The following CMKLR1 variants were observed in gnomAD, a reference collection of about 807,000 sequenced individuals.
CMKLR1 encodes chemerin-like receptor 1.
Under a neutral mutation model 8.2 loss-of-function variants are expected in CMKLR1, and 6 were observed. The ratio of observed to expected loss-of-function variants is 0.73; its 90% CI spans 0.40 to 1.44. The LOEUF is 1.44. Among genes scored for constraint, CMKLR1 ranks in the 40% most tolerant of loss-of-function variants. The pLI, the probability that CMKLR1 is intolerant of heterozygous loss-of-function variation, is 0.02. For synonymous variants in CMKLR1, 178 were observed against 181.2 expected (o/e 0.98, Z 0.14); for missense variants, 429 against 478.0 (o/e 0.90, Z 0.96).
intron 2 of CMKLR1, among the ~76,000 whole-genome samples, chr12:108,307,343 G>A (rs1019411200): frequency 6.6e-5 from 10 of 151,672 alleles, no homozygotes; most frequent in East Asian, 1.9e-4. Flanking sequence ...GGGAGGCAGC[G>A]GAGGCCCCAC....
intron 2 of CMKLR1, among the ~76,000 whole-genome samples, chr12:108,319,389 G>A (rs1395139762): frequency 3.9e-5 from 6 of 152,170 alleles, no homozygotes; most frequent in African/African-American, 1.4e-4. Flanking sequence ...AAATGGAGGA[G>A]CTAGGACTTC....
Position 108,288,486 on chromosome 12 carries a change from G to A in CMKLR1, c.*3355C>T, listed in dbSNP as rs915364440. On this transcript the variant is annotated 3_prime_UTR_variant, in exon 4 of 4. Transcript: ENST00000550402. ...CCCAACCCCACCAGAGCTGACTCTG[G>A]GGTCGAATTTGAGCCAATCCCCTCC... The A allele has an allele frequency of 1.3e-5, 2 of 152,138 alleles. No homozygotes were observed. Among genetic ancestry groups the A allele is most frequent in the African/African-American group, 4.8e-5 (2 of 41,414 alleles). 9.4% of individuals were successfully genotyped at this position (152,138 alleles called of 1,614,324 possible).
At chr12:108,310,512 A>G (rs28670946) in intron 2 of CMKLR1, among the ~76,000 whole-genome samples, 30,253 of 152,072 alleles carry the variant, frequency 0.2, 3,154 homozygotes, top group South Asian at 0.21. Context: ...GTCCCATCAG[A>G]GAGCCAGGAA....
At chr12:108,301,878 C>T (rs778319644) in intron 2 of CMKLR1, among the ~76,000 whole-genome samples, 22 of 152,086 alleles carry the variant, frequency 1.4e-4, no homozygotes, top group Non-Finnish European at 2.1e-4. Context: ...ATGTGGGAGC[C>T]CAGATCCCAC....
At chr12:108,324,486 C>T (rs1156526907) in intron 2 of CMKLR1, among the ~76,000 whole-genome samples, 1 of 152,082 alleles carries the variant, frequency 6.6e-6, no homozygotes, top group African/African-American at 2.4e-5. Flanking sequence ...AGTTCTCTAC[C>T]CCAAGTTTCT....
At chr12:108,305,213 T>G (rs1196511510) in intron 2 of CMKLR1, among the ~76,000 whole-genome samples, 1 of 152,238 alleles carries the variant, frequency 6.6e-6, no homozygotes, top group African/African-American at 2.4e-5. Context: ...GAACTGTGCC[T>G]GGGACTTCCA....
intron 1 of CMKLR1, among the ~76,000 whole-genome samples, chr12:108,335,827 T>C (rs1892207233): frequency 6.6e-6 from 1 of 152,210 alleles, no homozygotes; most frequent in Non-Finnish European, 1.5e-5. Context: ...ACACCACCTT[T>C]ATCTGTTTTC....
At chr12:108,317,267 G>A (rs1566026021) in intron 2 of CMKLR1, among the ~76,000 whole-genome samples, 1 of 152,212 alleles carries the variant, frequency 6.6e-6, no homozygotes, top group Non-Finnish European at 1.5e-5. Flanking sequence ...GTCATTATGT[G>A]CTCTAGAGGT....
intron 1 of CMKLR1, among the ~76,000 whole-genome samples, chr12:108,337,504 G>C (rs1892254991): frequency 6.6e-6 from 1 of 152,278 alleles, no homozygotes; most frequent in Non-Finnish European, 1.5e-5. Flanking sequence ...GGGCCTCCCG[G>C]CTAGAAGGAG....
intron 1 of CMKLR1, among the ~76,000 whole-genome samples, chr12:108,333,981 C>T (rs1330646957): frequency 6.6e-6 from 1 of 152,262 alleles, no homozygotes; most frequent in Non-Finnish European, 1.5e-5. Flanking sequence ...CTCCTCACTG[C>T]ATCTCAGTCC....
chr12:108,327,683 C>T (rs1436171701), intron 2 of CMKLR1, among the ~76,000 whole-genome samples: 1 of 152,138 alleles, frequency 6.6e-6, no homozygotes, highest in Non-Finnish European at 1.5e-5. Flanking sequence ...TAGGACTGGT[C>T]CCAGAGGACA....
chr12:108,325,312 G>C (rs1891956900), intron 2 of CMKLR1, among the ~76,000 whole-genome samples: 1 of 152,206 alleles, frequency 6.6e-6, no homozygotes, highest in Non-Finnish European at 1.5e-5. Context: ...AATCACCTGA[G>C]AGCATGAAGA....
At chr12:108,322,392 G>GT (rs759609908) in intron 2 of CMKLR1, among the ~76,000 whole-genome samples, 25 of 152,290 alleles carry the variant, frequency 1.6e-4, no homozygotes, top group Non-Finnish European at 2.6e-4. Context: ...CAGTGCCTGA[G>GT]TTTCCACCAT....
chr12:108,301,071 C>CTTTTTTTTTTTTTTTT (rs11303250), intron 2 of CMKLR1, among the ~76,000 whole-genome samples: 1 of 90,392 alleles, frequency 1.1e-5, no homozygotes, highest in Non-Finnish European at 2.1e-5. Context: ...CCACCCAAGT[C>CTTTTTTTTTTTTTTTT]TTTTTTTTTT....
intron 2 of CMKLR1, among the ~76,000 whole-genome samples, chr12:108,313,674 G>A (rs1211490120): frequency 6.6e-6 from 1 of 152,198 alleles, no homozygotes; most frequent in Non-Finnish European, 1.5e-5. Context: ...GGGCCCGCTG[G>A]TCACTCTATG....
chr12:108,335,873 A>G (rs927412169), intron 1 of CMKLR1, among the ~76,000 whole-genome samples: 1 of 152,240 alleles, frequency 6.6e-6, no homozygotes, highest in Non-Finnish European at 1.5e-5. Flanking sequence ...CATTTGTGGA[A>G]AGGATTCTGC....
At chr12:108,302,627 C>G (rs1041221280) in intron 2 of CMKLR1, among the ~76,000 whole-genome samples, 2 of 152,130 alleles carry the variant, frequency 1.3e-5, no homozygotes, top group African/African-American at 4.8e-5. Context: ...CCGCCCTGTC[C>G]TGGAGTGTGC....
chr12:108,312,097 G>C (rs1420680108), intron 2 of CMKLR1, among the ~76,000 whole-genome samples: 1 of 152,168 alleles, frequency 6.6e-6, no homozygotes, highest in Non-Finnish European at 1.5e-5. Context: ...CTAGCTGTGA[G>C]CTTGACACCC....
At chr12:108,293,551 T>G in intron 3 of CMKLR1, 38 bp downstream of exon 3, 3 of 1,551,428 alleles carry the variant, frequency 1.9e-6, no homozygotes, top group Non-Finnish European at 2.6e-6. Context: ...CAGTGGTCAC[T>G]GGTGCCCTTT....
Sources: gnomAD v4.1 joint callset for allele counts (sites outside exome capture counted in the v4.1 genomes callset) on GRCh38, gnomAD v4.1.1 for gene constraint, MANE v1.5 for transcripts, NCBI Gene and HGNC (gene_info 2026-07-23, HGNC 2026-07-21) for gene names.